RBM4: variants seen among roughly 807,000 people sequenced by gnomAD.
RBM4 encodes the protein RNA-binding protein 4.
RBM4 carries 7 observed loss-of-function variants against 29.5 expected under a neutral mutation model. That is an observed-to-expected ratio of 0.24 (90% CI 0.14 to 0.45). The LOEUF (loss-of-function observed/expected upper bound fraction) is 0.45. RBM4 is among the 20% of genes least tolerant of loss of function. RBM4 has a pLI of 1.00. For missense variants in RBM4, 387 were observed against 502.3 expected (o/e 0.77, Z 2.19); for synonymous variants, 220 against 205.4 (o/e 1.07, Z -0.61).
rs765148289 is a variant in RBM4 at position 66,643,246 on chromosome 11, T to C, written c.413-204T>C. 3.3e-5 allele frequency among the ~76,000 whole-genome samples: 5 copies of C among 152,220 alleles called. No homozygotes were observed. Among genetic ancestry groups the C allele is most frequent in the Non-Finnish European group, 5.9e-5 (4 of 68,040 alleles). On this transcript the variant is annotated intron_variant, in intron 2 of 3. Transcript: ENST00000310092. This position sits in a 1 kb window ranked among gnomAD's most constrained non-coding sequence, Gnocchi z 6.1. ...TTGTTATAGCTGAAATATTTCTTCATCTAAGTGGTCTTTTCCTGAAATCAG... is the reference window on the plus strand; with the variant it reads ...TTGTTATAGCTGAAATATTTCTTCACCTAAGTGGTCTTTTCCTGAAATCAG...
chr11:66,649,004 CTTTTGTTTTTGT>C (rs955756780), downstream of RBM4, among the ~76,000 whole-genome samples: 27 of 150,348 alleles, frequency 1.8e-4, no homozygotes. Context: ...CCATTTATTG[CTTTTGTTTTTGT>C]TTTTGTTTTT....
At chr11:66,658,336 CCTT>C (rs1173176365) in intron 2 of RBM4, among the ~76,000 whole-genome samples, 36 of 41,832 alleles carry the variant, frequency 8.6e-4, no homozygotes, top group Non-Finnish European at 1.9e-3. Flanking sequence ...CCTAGTCTGA[CCTT>C]TTTTTTTTTT....
chr11:66,661,647 C>CTGAAA (rs1452062217), intron 2 of RBM4, among the ~76,000 whole-genome samples: 2 of 152,124 alleles, frequency 1.3e-5, no homozygotes, highest in African/African-American at 4.8e-5. Context: ...TCATGGGACT[C>CTGAAA]TGAAATGGTC....
intron 2 of RBM4, among the ~76,000 whole-genome samples, chr11:66,658,367 T>G (rs1011650383): frequency 6.7e-6 from 1 of 148,442 alleles, no homozygotes; most frequent in Non-Finnish European, 1.5e-5. Flanking sequence ...TTTTTTCGTT[T>G]TGTTTTAAAT....
intron 2 of RBM4, among the ~76,000 whole-genome samples, chr11:66,662,538 A>T (rs947914826): frequency 9.9e-5 from 15 of 152,018 alleles, no homozygotes; most frequent in Non-Finnish European, 1.6e-4. Context: ...AGTAGCTGGG[A>T]TTACAGGTGC....
chr11:66,665,820 T>G, intron 2 of RBM4: 1 of 1,486,236 alleles, frequency 6.7e-7, no homozygotes, highest in East Asian at 2.5e-5. Flanking sequence ...GAAGAATGTG[T>G]TGGTGATAAA....
intron 2 of RBM4, among the ~76,000 whole-genome samples, chr11:66,656,155 T>A (rs1026239464): frequency 6.6e-6 from 1 of 151,534 alleles, no homozygotes; most frequent in African/African-American, 2.4e-5. Flanking sequence ...TTTTTTTTTT[T>A]AGGCGGAGTC....
chr11:66,661,034 G>C (rs938793078), intron 2 of RBM4, among the ~76,000 whole-genome samples: 26 of 152,162 alleles, frequency 1.7e-4, no homozygotes, highest in African/African-American at 6.3e-4. Context: ...GGGTTCTTGT[G>C]GATTTGCAGG....
chr11:66,639,762 G>GATTCGC lies in RBM4; in HGVS notation c.52_57dup (p.Ile18_Arg19dup), dbSNP rs1938360181. ...TGCCCCGGGAGGCTACAGAGCAGGA[G>GATTCGC]ATTCGCTCACTCTTCGAGCAGTATG... On this transcript the variant is annotated inframe_insertion, in exon 2 of 4. Coordinates refer to ENST00000310092, the MANE Select transcript of RBM4 (RefSeq NM_002896.4). 6.2e-7 allele frequency: 1 copy of GATTCGC among 1,614,068 alleles called. No homozygotes were observed.
chr11:66,643,834 C>G lies in RBM4; in HGVS notation c.797C>G (p.Ser266Cys). 1 of 1,614,030 alleles carries G rather than the reference C, an allele frequency of 6.2e-7. No individual in the cohort carries two copies. The highest frequency in any genetic ancestry group is 1.7e-5 in the Admixed American group (1 of 60,018). ...ACAGCCATGGCCAGTCACCTCACCTCCACCTCTCTCGATCCCTACGATAGA... is the reference window on the plus strand; with the variant it reads ...ACAGCCATGGCCAGTCACCTCACCTGCACCTCTCTCGATCCCTACGATAGA... ...QNTAMASHLT[S>C]TSLDPYDRHL... Residue 266 changes from serine to cysteine, a missense_variant, in exon 3 of 4, where the codon TCC becomes TGC. Ser to Cys is a moderately radical substitution (Grantham distance 112). This residue lies in a region of RBM4 where 281 missense variants were observed against 288.7 expected (regional missense o/e 0.97). Coordinates refer to ENST00000310092, the MANE Select transcript of RBM4 (RefSeq NM_002896.4). The surrounding 1 kb of genome is among the most constrained non-coding windows in gnomAD (Gnocchi z 6.1).
rs747064122 is a variant in RBM4 at position 66,644,000 on chromosome 11, T to C, written c.963T>C (p.Val321=). ...LRRATAPVPT[V]GEGYGYGHES... ...GCGCTACAGCCCCAGTCCCCACTGTTGGAGAGGGCTACGGTTACGGGCATG... is the reference window on the plus strand; with the variant it reads ...GCGCTACAGCCCCAGTCCCCACTGTCGGAGAGGGCTACGGTTACGGGCATG... Residue 321 remains valine (V), a synonymous_variant, in exon 3 of 4, where the codon GTT becomes GTC. Transcript: ENST00000310092. The surrounding 1 kb of genome is among the most constrained non-coding windows in gnomAD (Gnocchi z 6.1). The C allele has an allele frequency of 1.9e-5, 31 of 1,613,362 alleles. No individual in the cohort carries two copies. The highest frequency in any genetic ancestry group is 5.3e-5 in the African/African-American group (4 of 74,892).
rs1422978048 is a variant in RBM4, at chr11:66,659,930, TTTCTTTCGTTACTTA to T, written c.413-5925_413-5911del. 4.1e-3 allele frequency among the ~76,000 whole-genome samples: 622 copies of T among 152,306 alleles called. 2 individuals are homozygous for T. The highest frequency in any genetic ancestry group is 0.013 in the African/African-American group (535 of 41,564). On this transcript the variant is annotated intron_variant, in intron 2 of 2. Transcript: ENST00000396053. ...TTGTGAAATGTATGTAAATCAGATG[TTTCTTTCGTTACTTA>T]GAACCTTTCAGCAACTTCCCCTTTT...
exon 3 of RBM4, chr11:66,668,310 T>TTTTCTGTAACCC (rs1939321886): frequency 1.7e-5 from 5 of 291,436 alleles, no homozygotes; most frequent in Non-Finnish European, 3.2e-5. Flanking sequence ...TAACAAATGT[T>TTTTCTGTAACCC]AGATCTCTCA....
At chr11:66,666,933 A>G (rs1939258934) in exon 3 of RBM4, 1 of 149,978 alleles carries the variant, frequency 6.7e-6, no homozygotes, top group South Asian at 2.1e-4. Context: ...TTTTTAAGAG[A>G]GAGAGGAGCC....
intron 2 of RBM4, among the ~76,000 whole-genome samples, chr11:66,660,488 A>AT (rs1208753372): frequency 6.6e-6 from 1 of 151,462 alleles, no homozygotes; most frequent in African/African-American, 2.4e-5. Flanking sequence ...AATAGCTGGA[A>AT]TTACAGGCTT....
chr11:66,663,950 T>C (rs1230862501), intron 2 of RBM4, among the ~76,000 whole-genome samples: 1 of 152,024 alleles, frequency 6.6e-6, no homozygotes, highest in African/African-American at 2.4e-5. Context: ...AATTTAGCAG[T>C]GTCTCAAGAA....
intron 2 of RBM4, among the ~76,000 whole-genome samples, chr11:66,659,872 C>G (rs1163258814): frequency 6.6e-6 from 1 of 152,146 alleles, no homozygotes; most frequent in Non-Finnish European, 1.5e-5. Context: ...CTTGGGTCTT[C>G]AAAGTATTCT....
chr11:66,658,603 A>G (rs1406433229), intron 2 of RBM4, among the ~76,000 whole-genome samples: 2 of 151,938 alleles, frequency 1.3e-5, no homozygotes, highest in African/African-American at 2.4e-5. Flanking sequence ...AGCCAGAGAC[A>G]TATACAGTGC....
intron 2 of RBM4, among the ~76,000 whole-genome samples, chr11:66,664,825 G>C (rs1939167204): frequency 6.6e-6 from 1 of 152,098 alleles, no homozygotes; most frequent in South Asian, 2.1e-4. Flanking sequence ...TTGAACTTCA[G>C]TGGGCTTAAG....
Sources: gnomAD v4.1 joint callset for allele counts (sites outside exome capture counted in the v4.1 genomes callset) on GRCh38, gnomAD v4.1.1 for gene constraint, gnomAD v4.1.1 regional missense constraint, Gnocchi (gnomAD v3.1) non-coding constraint, MANE v1.5 for transcripts, NCBI Gene and HGNC (gene_info 2026-07-23, HGNC 2026-07-21) for gene names.